Variants in CDH5 observed in about 807,000 individuals in gnomAD.
The protein encoded by CDH5 is cadherin-5.
In CDH5, 28 loss-of-function variants were observed where a neutral mutation model predicts 62.0. The ratio of observed to expected loss-of-function variants is 0.45; its 90% CI spans 0.33 to 0.62. The LOEUF (loss-of-function observed/expected upper bound fraction) is 0.62, where lower values mean the gene tolerates loss of function less well. Ranked by LOEUF, CDH5 falls within the 20% of genes least tolerant of loss-of-function variation. The pLI is 0.02. For missense variants in CDH5, 940 were observed against 1,065.1 expected (o/e 0.88, Z 1.63); for synonymous variants, 464 against 445.8 (o/e 1.04, Z -0.52).
At chr16:66,369,509 G>T (rs747006108) in intron 1 of CDH5, among the ~76,000 whole-genome samples, 1 of 152,174 alleles carries the variant, frequency 6.6e-6, no homozygotes, top group Non-Finnish European at 1.5e-5. Flanking sequence ...TGAACCCAAG[G>T]TCACACAGCT....
At chr16:66,374,037 G>A (rs1248185611) in intron 1 of CDH5, among the ~76,000 whole-genome samples, 1 of 152,172 alleles carries the variant, frequency 6.6e-6, no homozygotes, top group Non-Finnish European at 1.5e-5. Flanking sequence ...GACAGCCTAA[G>A]TTCAAATCCT....
At chr16:66,380,610 G>A (rs1222166565) in intron 2 of CDH5, among the ~76,000 whole-genome samples, 1 of 151,914 alleles carries the variant, frequency 6.6e-6, no homozygotes, top group Non-Finnish European at 1.5e-5. Flanking sequence ...TGGTGGTGAT[G>A]AAAGATAAAT....
chr16:66,397,452 C>T (rs532356286), intron 8 of CDH5, among the ~76,000 whole-genome samples: 1 of 152,106 alleles, frequency 6.6e-6, no homozygotes, highest in African/African-American at 2.4e-5. Context: ...CAACTCTGGG[C>T]CCCAAGCAAT....
Position 66,387,084 on chromosome 16 carries a change from G to A in CDH5, c.486G>A (p.Glu162=), listed in dbSNP as rs749456561. 2 of 1,610,970 alleles carry A rather than the reference G, an allele frequency of 1.2e-6. No individual in the cohort carries two copies. Among genetic ancestry groups the A allele is most frequent in the Non-Finnish European group, 1.7e-6 (2 of 1,177,604 alleles). ...THRLFNASVP[E]SSAVGTSVIS... is the part of the protein sequence containing the mutation. ...GGTTGTTCAATGCGTCCGTGCCTGA[G>A]TCGTCGGCTGTGGGTACGTTGCATG... Residue 162 remains glutamate (E), a synonymous_variant, in exon 3 of 12, where the codon GAG becomes GAA. Coordinates refer to ENST00000341529, the MANE Select transcript of CDH5 (RefSeq NM_001795.5).
At chr16:66,373,570 C>T (rs1003906845) in intron 1 of CDH5, among the ~76,000 whole-genome samples, 1 of 152,090 alleles carries the variant, frequency 6.6e-6, no homozygotes, top group African/African-American at 2.4e-5. Context: ...CATGCGCCAC[C>T]ATGCCAGGCT....
chr16:66,379,825 A>G (rs560596646), intron 2 of CDH5, among the ~76,000 whole-genome samples: 21 of 148,848 alleles, frequency 1.4e-4, no homozygotes, highest in Admixed American at 9.3e-4. Context: ...TGGTGATGGT[A>G]GTGATGATAA....
chr16:66,396,043 T>C lies in CDH5; in HGVS notation c.1218-16T>C, dbSNP rs1272376407. On this transcript the variant is annotated splice_polypyrimidine_tract_variant and intron_variant, in intron 7 of 11. Coordinates refer to ENST00000341529, the MANE Select transcript of CDH5 (RefSeq NM_001795.5). ...AAAGAACAATGGAAAGCCATGAAAC[T>C]CTCTCCCCTGGGCAGATACTCCATC... The C allele has an allele frequency of 6.2e-7, 1 of 1,610,802 alleles. No homozygotes were observed. The highest frequency in any genetic ancestry group is 8.5e-7 in the Non-Finnish European group (1 of 1,179,124).
chr16:66,369,832 G>A (rs1489533972), intron 1 of CDH5, among the ~76,000 whole-genome samples: 1 of 152,186 alleles, frequency 6.6e-6, no homozygotes, highest in East Asian at 1.9e-4. Flanking sequence ...TACAGTCTAT[G>A]AGGATCCTCA....
At chr16:66,385,766 G>A (rs537531520) in intron 2 of CDH5, among the ~76,000 whole-genome samples, 4 of 152,298 alleles carry the variant, frequency 2.6e-5, no homozygotes, top group African/African-American at 4.8e-5. Flanking sequence ...AAAACAATTA[G>A]GAAGCGATGA....
rs114340564 is a variant in CDH5, at chr16:66,379,709, G to A, written c.210+162G>A. The A allele has an allele frequency of 6.8e-5, 45 of 659,586 alleles. No individual in the cohort carries two copies. In the East Asian group the frequency reaches 7.4e-4, roughly 11 times the overall value. The allele number at this position is 659,586 out of a possible 1,614,324, so 40.9% of individuals were successfully genotyped here. ...GGTGGTAGCAATAGTGGTAGAGGTC[G>A]TGGTGGTAGAAGTAGTGGTGGTAAT... On this transcript the variant is annotated intron_variant, in intron 2 of 11. Transcript: ENST00000341529.
At chr16:66,378,992 A>G (rs1960834364) in intron 1 of CDH5, among the ~76,000 whole-genome samples, 1 of 152,236 alleles carries the variant, frequency 6.6e-6, no homozygotes, top group African/African-American at 2.4e-5. Flanking sequence ...CCTTCTTGAA[A>G]GGTCAGAAGG....
At chr16:66,389,115 A>G (rs1438143324) in intron 4 of CDH5, among the ~76,000 whole-genome samples, 2 of 152,190 alleles carry the variant, frequency 1.3e-5, no homozygotes, top group East Asian at 3.9e-4. Context: ...ATATGGCCTC[A>G]TGGTCTTTGT....
At chr16:66,383,255 C>A (rs1434771171) in intron 2 of CDH5, among the ~76,000 whole-genome samples, 1 of 152,072 alleles carries the variant, frequency 6.6e-6, no homozygotes, top group Non-Finnish European at 1.5e-5. Flanking sequence ...ATAAACTATG[C>A]CCTCTGGTAA....
At position 66,402,796 on chromosome 16, in the gene CDH5, C is replaced by T. The variant is rs762497678; in HGVS notation, c.1982C>T (p.Ser661Leu). The T allele has an allele frequency of 1.7e-5, 27 of 1,604,206 alleles. No homozygotes were observed. Among genetic ancestry groups the T allele is most frequent in the African/African-American group, 1.6e-4 (12 of 74,804 alleles). ...ATGGACACCACCAGCTACGATGTGT[C>T]GGTGCTCAACTCGGTGCGCCGCGGC... ...GEMDTTSYDV[S>L]VLNSVRRGGA... The change falls in exon 12 of 12, where the codon TCG becomes TTG. Residue 661 changes from serine (S) to leucine (L), a missense_variant. By Grantham distance (145) the Ser-to-Leu change is moderately radical (BLOSUM62 -2). Transcript: ENST00000341529.
intron 7 of CDH5, chr16:66,395,848 A>G (rs1596944515): frequency 2.1e-6 from 1 of 486,206 alleles, no homozygotes; most frequent in East Asian, 3.6e-5. Flanking sequence ...CAGTGATGGC[A>G]ATGTAACTAA....
rs1567465283 is a variant in CDH5 at position 66,389,509 on chromosome 16, C to T, written c.768C>T (p.Pro256=). 2 of 1,593,882 alleles carry T rather than the reference C, an allele frequency of 1.3e-6. No homozygotes were observed. Among genetic ancestry groups the T allele is most frequent in the Admixed American group, 1.7e-5 (1 of 58,838 alleles). The stretch of plus-strand genomic sequence containing the variant: ...TGCAAGACATCAATGACAACTTCCC[C>T]TTCTTCACCCAGAGTGAGCCCCTCC... ...VTLQDINDNF[P]FFTQTKYTFV... Residue 256 remains proline, a synonymous_variant, in exon 5 of 12, where the codon CCC becomes CCT. Transcript: ENST00000341529.
intron 2 of CDH5, among the ~76,000 whole-genome samples, chr16:66,382,726 G>A (rs1422761516): frequency 6.6e-6 from 1 of 152,124 alleles, no homozygotes; most frequent in Non-Finnish European, 1.5e-5. Context: ...ACCACAAGGG[G>A]TCGTCACGCT....
At chr16:66,391,220 T>G (rs1686334712) in intron 6 of CDH5, among the ~76,000 whole-genome samples, 1 of 152,064 alleles carries the variant, frequency 6.6e-6, no homozygotes, top group African/African-American at 2.4e-5. Context: ...TGCTGGGGCT[T>G]GGAAACACCA....
chr16:66,385,826 T>C (rs1323219736), intron 2 of CDH5, among the ~76,000 whole-genome samples: 2 of 152,262 alleles, frequency 1.3e-5, no homozygotes, highest in East Asian at 1.9e-4. Context: ...TAAGTTCATA[T>C]AATTTAATTT....
Sources: gnomAD v4.1 joint callset for allele counts (sites outside exome capture counted in the v4.1 genomes callset) on GRCh38, gnomAD v4.1.1 for gene constraint, MANE v1.5 for transcripts, NCBI Gene and HGNC (gene_info 2026-07-23, HGNC 2026-07-21) for gene names.